Variants in ADAMTS19 observed in about 807,000 individuals in gnomAD.
The protein encoded by ADAMTS19 is A disintegrin and metalloproteinase with thrombospondin motifs 19.
ADAMTS19 carries 93 observed loss-of-function variants against 153.3 expected under a neutral mutation model. That is an observed-to-expected ratio of 0.61 (90% CI 0.51 to 0.72). The LOEUF is 0.72. Ranked by LOEUF, ADAMTS19 falls within the 30% of genes least tolerant of loss-of-function variation. The pLI, the probability that ADAMTS19 is intolerant of heterozygous loss-of-function variation, is 0.00. For synonymous variants in ADAMTS19, 600 were observed against 556.6 expected (o/e 1.08, Z -1.10); for missense variants, 1,482 against 1,552.1 (o/e 0.95, Z 0.76).
intron 10 of ADAMTS19, among the ~76,000 whole-genome samples, chr5:129,628,442 C>T (rs538205040): frequency 6.6e-6 from 1 of 150,670 alleles, no homozygotes; most frequent in South Asian, 2.1e-4. Flanking sequence ...TAATATACCC[C>T]TGAACTTAAA....
intron 19 of ADAMTS19, 121 bp from the exon 20 acceptor site, chr5:129,701,267 C>T (rs1755833389): frequency 2.7e-6 from 3 of 1,102,000 alleles, no homozygotes; most frequent in Non-Finnish European, 4.0e-6. Flanking sequence ...GTCAATTGGA[C>T]CTCTTTCCTT....
chr5:129,655,757 C>T (rs991298749), intron 14 of ADAMTS19, among the ~76,000 whole-genome samples: 3 of 152,166 alleles, frequency 2.0e-5, no homozygotes, highest in Non-Finnish European at 4.4e-5. Context: ...CTGGGAACAA[C>T]ACGAAACTTA....
chr5:129,471,450 AGAAGGAAG>A (rs141743571), intron 2 of ADAMTS19, among the ~76,000 whole-genome samples: 16,832 of 146,560 alleles, frequency 0.11, 1,082 homozygotes, highest in Middle Eastern at 0.17. Context: ...AGAAAGAAAA[AGAAGGAAG>A]GAAGGAAGGA....
At chr5:129,686,009 T>C (rs1004964892) in intron 18 of ADAMTS19, among the ~76,000 whole-genome samples, 15 of 152,196 alleles carry the variant, frequency 9.9e-5, no homozygotes, top group African/African-American at 2.9e-4. Flanking sequence ...AAGGAAGTAC[T>C]GACATTTTGA....
In ADAMTS19 at chr5:129,461,764, G is replaced by A. The variant is rs145826534; in HGVS notation, c.747+7G>A. On this transcript the variant is annotated splice_region_variant and intron_variant, in intron 2 of 22. Coordinates refer to ENST00000274487, the MANE Select transcript of ADAMTS19 (RefSeq NM_133638.6). The surrounding 1 kb of genome is among the most constrained non-coding windows in gnomAD (Gnocchi z 4.6). ...CACCTGTGGAGGTGGCCTGGTAAGC[G>A]CCTTCTTTCCCTAGCTCTCCATTTT... 149 of 1,482,582 alleles carry A rather than the reference G, an allele frequency of 1.0e-4. 1 individual carries two copies. The East Asian group carries it at 3.6e-3, about 36-fold the overall frequency. The allele number at this position is 1,482,582 out of a possible 1,614,324, so 91.8% of individuals were successfully genotyped here. A position where few individuals can be genotyped will look rare whatever the true frequency, so the allele number is the denominator to read the frequency against.
chr5:129,733,170 A>G (rs1026242424), intron 21 of ADAMTS19, among the ~76,000 whole-genome samples: 1 of 152,148 alleles, frequency 6.6e-6, no homozygotes, highest in East Asian at 1.9e-4. Context: ...AAGGTGGATT[A>G]AAGACTTGAA....
chr5:129,550,600 A>G lies in ADAMTS19; in HGVS notation c.1329-1264A>G, dbSNP rs538873523. On this transcript the variant is annotated intron_variant, in intron 6 of 22. Coordinates refer to ENST00000274487, the MANE Select transcript of ADAMTS19 (RefSeq NM_133638.6). ...CATATATAGATATATGTATGTATTAACTCACAAATGCTGCTGATGAGCCAA... is the reference window on the plus strand; with the variant it reads ...CATATATAGATATATGTATGTATTAGCTCACAAATGCTGCTGATGAGCCAA... Among the ~76,000 whole-genome samples the G allele has an allele frequency of 1.1e-4, 17 of 151,100 alleles. No homozygotes were observed. In the South Asian group the frequency reaches 3.3e-3, roughly 30 times the overall value.
intron 2 of ADAMTS19, among the ~76,000 whole-genome samples, chr5:129,485,933 G>T (rs922553898): frequency 6.6e-6 from 1 of 152,072 alleles, no homozygotes; most frequent in Admixed American, 6.6e-5. Context: ...TGGGATTACA[G>T]ACGCCCACCA....
intron 2 of ADAMTS19, among the ~76,000 whole-genome samples, chr5:129,483,310 T>C (rs1231112477): frequency 6.6e-6 from 1 of 152,220 alleles, no homozygotes; most frequent in Non-Finnish European, 1.5e-5. Context: ...ATATTTAAAA[T>C]GAGGAAAAGT....
intron 2 of ADAMTS19, among the ~76,000 whole-genome samples, chr5:129,487,561 A>G (rs1750640954): frequency 6.6e-6 from 1 of 152,072 alleles, no homozygotes. Context: ...CCACTTGTAA[A>G]TATCAGAGTT....
chr5:129,655,833 A>G (rs947234253), intron 14 of ADAMTS19, among the ~76,000 whole-genome samples: 1 of 152,232 alleles, frequency 6.6e-6, no homozygotes, highest in Non-Finnish European at 1.5e-5. Flanking sequence ...GCATAGAATC[A>G]TGTAAAACCA....
At chr5:129,650,522 T>G (rs996295330) in intron 13 of ADAMTS19, among the ~76,000 whole-genome samples, 1 of 152,102 alleles carries the variant, frequency 6.6e-6, no homozygotes, top group Non-Finnish European at 1.5e-5. Context: ...ATTACCTCCT[T>G]ATTTTCTGCT....
intron 6 of ADAMTS19, among the ~76,000 whole-genome samples, chr5:129,529,993 G>A (rs984777452): frequency 6.6e-6 from 1 of 152,018 alleles, no homozygotes; most frequent in Non-Finnish European, 1.5e-5. Context: ...AGAGGCTTGG[G>A]TATCATCTTG....
At chr5:129,702,890 TA>T (rs1345847761) in intron 20 of ADAMTS19, among the ~76,000 whole-genome samples, 3 of 132,676 alleles carry the variant, frequency 2.3e-5, no homozygotes, top group African/African-American at 8.8e-5. Flanking sequence ...TACTTTAAGT[TA>T]AAACTCAATT....
chr5:129,501,115 T>C (rs148570200), intron 2 of ADAMTS19, among the ~76,000 whole-genome samples: 104 of 152,286 alleles, frequency 6.8e-4, no homozygotes, highest in African/African-American at 2.4e-3. Context: ...TTTAGAAGAA[T>C]TTTTTAAACC....
intron 21 of ADAMTS19, among the ~76,000 whole-genome samples, chr5:129,714,373 T>G (rs1488425911): frequency 7.9e-4 from 111 of 139,872 alleles, no homozygotes; most frequent in African/African-American, 3.0e-3. Context: ...GAGCCGAGAT[T>G]GCGCCACTGC....
At chr5:129,532,621 A>T (rs1198166805) in intron 6 of ADAMTS19, among the ~76,000 whole-genome samples, 1 of 152,230 alleles carries the variant, frequency 6.6e-6, no homozygotes, top group East Asian at 1.9e-4. Context: ...TTATTCACAT[A>T]AAAAATTGCA....
chr5:129,558,020 A>C (rs1753372191), intron 7 of ADAMTS19, among the ~76,000 whole-genome samples: 1 of 152,164 alleles, frequency 6.6e-6, no homozygotes, highest in Admixed American at 6.5e-5. Context: ...TTGTTTGGAT[A>C]AAGAAAATGC....
intron 2 of ADAMTS19, among the ~76,000 whole-genome samples, chr5:129,507,988 C>T (rs1216851206): frequency 6.6e-6 from 1 of 151,834 alleles, no homozygotes; most frequent in African/African-American, 2.4e-5. Context: ...AAAAAAAATT[C>T]TGCTATACTT....
Sources: allele counts gnomAD v4.1 joint callset (sites outside exome capture counted in the v4.1 genomes callset), GRCh38; gene constraint gnomAD v4.1.1; non-coding constraint Gnocchi (gnomAD v3.1); transcripts MANE v1.5; gene names NCBI Gene and HGNC (gene_info 2026-07-23, HGNC 2026-07-21).